SLC25A42: variants seen among roughly 807,000 people sequenced by gnomAD.
SLC25A42 encodes the protein solute carrier family 25 member 42.
SLC25A42 carries 19 observed loss-of-function variants against 34.7 expected under a neutral mutation model. The ratio of observed to expected loss-of-function variants is 0.55; its 90% CI spans 0.38 to 0.80. The LOEUF (loss-of-function observed/expected upper bound fraction) is 0.80. Among genes scored for constraint, SLC25A42 ranks in the 30% least tolerant of loss-of-function variants. The pLI, the probability that SLC25A42 is intolerant of heterozygous loss-of-function variation, is 0.00. For synonymous variants in SLC25A42, 205 were observed against 191.2 expected (o/e 1.07, Z -0.59); for missense variants, 364 against 441.3 (o/e 0.82, Z 1.57).
chr19:19,101,154 G>A (rs2059794321), intron 2 of SLC25A42, among the ~76,000 whole-genome samples: 1 of 152,158 alleles, frequency 6.6e-6, no homozygotes, highest in African/African-American at 2.4e-5. Context: ...GGGCTGTGGG[G>A]GAGCAGGGGA....
At chr19:19,101,923 C>G in intron 3 of SLC25A42, 37 bp downstream of exon 3, 1 of 1,504,132 alleles carries the variant, frequency 6.6e-7, no homozygotes, top group South Asian at 1.2e-5. Context: ...AGAGAAGCTG[C>G]CAGGCGGTCA....
At chr19:19,105,469 G>A in intron 4 of SLC25A42, 92 bp from the exon 5 acceptor site, 2 of 1,478,524 alleles carry the variant, frequency 1.4e-6, no homozygotes, top group Non-Finnish European at 9.2e-7. Context: ...CCCCGGCCCC[G>A]CCTCCGCACT....
intron 1 of SLC25A42, among the ~76,000 whole-genome samples, chr19:19,088,279 C>T (rs1249099248): frequency 6.7e-6 from 1 of 150,148 alleles, no homozygotes. Flanking sequence ...GATCACGGCT[C>T]ACTGCAAGCT....
intron 1 of SLC25A42, among the ~76,000 whole-genome samples, chr19:19,092,770 C>T (rs1297516434): frequency 1.3e-5 from 2 of 152,192 alleles, no homozygotes; most frequent in Non-Finnish European, 2.9e-5. Flanking sequence ...GACCCAGCAC[C>T]TCGATTCTAG....
At chr19:19,104,167 C>T (rs555877826) in intron 3 of SLC25A42, among the ~76,000 whole-genome samples, 7 of 152,328 alleles carry the variant, frequency 4.6e-5, no homozygotes, top group African/African-American at 1.4e-4. Context: ...CCCGCCTCAG[C>T]CTCCCAGAGT....
At chr19:19,099,342 G>A (rs76296567) in intron 2 of SLC25A42, among the ~76,000 whole-genome samples, 2,164 of 152,236 alleles carry the variant, frequency 0.014, 47 homozygotes, top group African/African-American at 0.047. Flanking sequence ...GGGGACCCTG[G>A]GAGCACTGAG....
At chr19:19,106,225 A>C in intron 5 of SLC25A42, 44 bp from the exon 6 acceptor site, 1 of 1,545,668 alleles carries the variant, frequency 6.5e-7, no homozygotes, top group Non-Finnish European at 8.8e-7. Flanking sequence ...GTGCATCTGC[A>C]ACCCCCTCAC....
intron 1 of SLC25A42, among the ~76,000 whole-genome samples, chr19:19,095,011 A>G (rs2059756813): frequency 6.6e-6 from 1 of 152,106 alleles, no homozygotes; most frequent in Non-Finnish European, 1.5e-5. Flanking sequence ...CCTGGCCAAC[A>G]TGGCAAAACC....
At position 19,110,637 on chromosome 19, in the gene SLC25A42, G is replaced by T; in HGVS notation, c.718G>T (p.Gly240Trp). The T allele has an allele frequency of 6.5e-7, 1 of 1,541,380 alleles. No homozygotes were observed. ...CTTCGGCGCCTGCGCTGGCCTCATC[G>T]GGCAGTCGGCCTCGTACCCGCTGGA... ...MIFGACAGLI[G>W]QSASYPLDVV... The change falls in exon 8 of 8, where the codon GGG becomes TGG. Residue 240 changes from glycine (G) to tryptophan (W), a missense_variant. Transcript: ENST00000318596.
intron 1 of SLC25A42, among the ~76,000 whole-genome samples, chr19:19,083,809 C>T (rs1360578238): frequency 6.6e-6 from 1 of 151,846 alleles, no homozygotes; most frequent in Non-Finnish European, 1.5e-5. Context: ...CACCTCCTGG[C>T]CCCTGCACAC....
chr19:19,082,928 C>T (rs1248538578), intron 1 of SLC25A42, among the ~76,000 whole-genome samples: 1 of 151,978 alleles, frequency 6.6e-6, no homozygotes, highest in Non-Finnish European at 1.5e-5. Context: ...AGTGATTCTC[C>T]TGCCTCAGCC....
At chr19:19,083,157 T>G (rs1029157248) in intron 1 of SLC25A42, among the ~76,000 whole-genome samples, 1 of 152,202 alleles carries the variant, frequency 6.6e-6, no homozygotes. Context: ...TTCACTATGT[T>G]ACCCAGGCTG....
At chr19:19,079,798 C>T (rs1329027990) in intron 1 of SLC25A42, among the ~76,000 whole-genome samples, 2 of 152,098 alleles carry the variant, frequency 1.3e-5, no homozygotes, top group Non-Finnish European at 2.9e-5. Context: ...TCTTGAACTC[C>T]TAGCCTCAAG....
At chr19:19,107,216 C>T (rs1190451104) in intron 6 of SLC25A42, among the ~76,000 whole-genome samples, 1 of 149,446 alleles carries the variant, frequency 6.7e-6, no homozygotes, top group Non-Finnish European at 1.5e-5. Context: ...GCTCCAGAAG[C>T]TGAGGGAGGA....
intron 1 of SLC25A42, among the ~76,000 whole-genome samples, chr19:19,078,274 C>T (rs750885543): frequency 2.7e-4 from 41 of 152,118 alleles, no homozygotes; most frequent in Non-Finnish European, 5.0e-4. Flanking sequence ...TTGTGTCTCC[C>T]TACAAGCACA....
In SLC25A42 at chr19:19,110,851, T is replaced by A. The variant is rs752608316; in HGVS notation, c.932T>A (p.Ile311Asn). Reference protein sequence around the residue: ...ISFTTFDLMQILLRHLQS With the variant: ...ISFTTFDLMQNLLRHLQS ...TTCACCACCTTCGACCTCATGCAGA[T>A]CCTGCTGCGGCACCTGCAGAGCTAG... The change falls in exon 8 of 8, where the codon ATC becomes AAC. Residue 311 changes from isoleucine (I) to asparagine (N), a missense_variant. Ile to Asn is a moderately radical substitution (Grantham distance 149). Coordinates refer to ENST00000318596, the MANE Select transcript of SLC25A42 (RefSeq NM_178526.5). 4 of 1,613,808 alleles carry A rather than the reference T, an allele frequency of 2.5e-6. No individual in the cohort carries two copies. In the African/African-American group the frequency reaches 5.3e-5, roughly 22 times the overall value.
At chr19:19,096,245 G>T in intron 2 of SLC25A42, 40 bp downstream of exon 2, 1 of 1,566,918 alleles carries the variant, frequency 6.4e-7, no homozygotes, top group Non-Finnish European at 8.7e-7. Flanking sequence ...TTCTCCTGGG[G>T]CCCCAGCCTC....
rs77496444 is a variant in SLC25A42 at position 19,081,323 on chromosome 19, G to A, written c.-34-14768G>A. The stretch of plus-strand genomic sequence containing the variant: ...ACCACCACTATGACCAGCCTGGCAG[G>A]GGGTGATGATGAGAGGAAGTGACAC... On this transcript the variant is annotated intron_variant, in intron 1 of 7. Coordinates refer to ENST00000318596, the MANE Select transcript of SLC25A42 (RefSeq NM_178526.5). This position sits in a 1 kb window ranked among gnomAD's most constrained non-coding sequence, Gnocchi z 4.5. Among the ~76,000 whole-genome samples the A allele has an allele frequency of 0.013, 1,907 of 152,176 alleles. 15 individuals carry two copies. The highest frequency in any genetic ancestry group is 0.041 in the Middle Eastern group (12 of 294).
intron 1 of SLC25A42, among the ~76,000 whole-genome samples, chr19:19,079,479 G>C (rs7250131): frequency 0.8 from 121,065 of 152,064 alleles, 48,499 homozygotes; most frequent in East Asian, 0.89. Flanking sequence ...GGATTTACCT[G>C]TTCTGGGCAT....
Sources: allele counts gnomAD v4.1 joint callset (sites outside exome capture counted in the v4.1 genomes callset), GRCh38; gene constraint gnomAD v4.1.1; non-coding constraint Gnocchi (gnomAD v3.1); transcripts MANE v1.5; gene names NCBI Gene and HGNC (gene_info 2026-07-23, HGNC 2026-07-21).